OSTN: variants seen among roughly 807,000 people sequenced by gnomAD.
OSTN encodes osteocrin.
In OSTN, 9 loss-of-function variants were observed where a neutral mutation model predicts 12.0. The ratio of observed to expected loss-of-function variants is 0.75; its 90% CI spans 0.45 to 1.30. The LOEUF (loss-of-function observed/expected upper bound fraction) is 1.30, where lower values mean the gene tolerates loss of function less well. OSTN is among the 50% of genes most tolerant of loss of function. The pLI is 0.00. For synonymous variants in OSTN, 59 were observed against 56.9 expected, an observed-to-expected ratio of 1.04 and a Z score of -0.16; for missense variants, 148 against 152.3, an observed-to-expected ratio of 0.97 and a Z score of 0.15.
Position 191,263,086 on chromosome 3 carries a change from C to T in OSTN, c.*233C>T, listed in dbSNP as rs1174962413. On this transcript the variant is annotated 3_prime_UTR_variant, in exon 5 of 5. Coordinates refer to ENST00000682035, the MANE Select transcript of OSTN (RefSeq NM_198184.2). ...TTTAAAATTATATATTTTAATTATT[C>T]AAGAATGGTTAACTTCCCCTTAAAC... 3 of 476,722 alleles carry T rather than the reference C, an allele frequency of 6.3e-6. No homozygotes were observed. Among genetic ancestry groups the T allele is most frequent in the Non-Finnish European group, 1.1e-5 (3 of 269,168 alleles). The allele number at this position is 476,722 out of a possible 1,614,324, so 29.5% of individuals were successfully genotyped here.
intron 3 of OSTN, among the ~76,000 whole-genome samples, chr3:191,224,632 A>T (rs917050458): frequency 1.3e-5 from 2 of 152,258 alleles, no homozygotes; most frequent in Admixed American, 6.5e-5. Context: ...CAAAGAACAG[A>T]TATATTACAA....
intron 4 of OSTN, among the ~76,000 whole-genome samples, chr3:191,252,645 C>T (rs557032914): frequency 3.1e-4 from 47 of 152,248 alleles, no homozygotes; most frequent in African/African-American, 1.1e-3. Flanking sequence ...CCTGTTCGAC[C>T]GTTTTGTTTC....
intron 4 of OSTN, among the ~76,000 whole-genome samples, chr3:191,259,447 C>T (rs575726592): frequency 4.0e-5 from 6 of 149,608 alleles, no homozygotes; most frequent in Admixed American, 2.0e-4. Flanking sequence ...ATGATCCACC[C>T]GCCTTGGCCT....
chr3:191,217,465 G>A (rs1305788083), intron 2 of OSTN, among the ~76,000 whole-genome samples: 1 of 152,164 alleles, frequency 6.6e-6, no homozygotes, highest in East Asian at 1.9e-4. Context: ...AAGTGGGAAG[G>A]GAAGAGATTC....
chr3:191,257,019 C>T (rs905954571), intron 4 of OSTN, among the ~76,000 whole-genome samples: 1 of 151,656 alleles, frequency 6.6e-6, no homozygotes, highest in African/African-American at 2.4e-5. Flanking sequence ...CCCATCTGTA[C>T]AAAAAAGTTT....
chr3:191,244,706 T>C (rs2108548869), intron 3 of OSTN, among the ~76,000 whole-genome samples: 1 of 149,876 alleles, frequency 6.7e-6, no homozygotes, highest in South Asian at 2.1e-4. Flanking sequence ...GTATAGAAAG[T>C]ATTTAACCAG....
intron 1 of OSTN, among the ~76,000 whole-genome samples, chr3:191,211,205 C>A (rs1232254727): frequency 6.6e-6 from 1 of 152,074 alleles, no homozygotes; most frequent in Non-Finnish European, 1.5e-5. Context: ...TTGCTTTGGG[C>A]ATTTACAATT....
At chr3:191,240,609 C>A (rs929287464) in intron 3 of OSTN, among the ~76,000 whole-genome samples, 1 of 152,174 alleles carries the variant, frequency 6.6e-6, no homozygotes, top group Non-Finnish European at 1.5e-5. Context: ...AAGCTTGACT[C>A]ATTTTTTTCC....
Position 191,265,288 on chromosome 3 carries a change from A to G in OSTN, c.*2435A>G, listed in dbSNP as rs1715897874. ...TCTCTTTGCTTCTGTATGAACCTTTATAGAGCAAATGAATATATGTATATG... is the reference window on the plus strand; with the variant it reads ...TCTCTTTGCTTCTGTATGAACCTTTGTAGAGCAAATGAATATATGTATATG... On this transcript the variant is annotated 3_prime_UTR_variant, in exon 5 of 5. Coordinates refer to ENST00000682035, the MANE Select transcript of OSTN (RefSeq NM_198184.2). 6.6e-6 allele frequency: 1 copy of G among 152,150 alleles called. No homozygotes were observed. The allele number at this position is 152,150 out of a possible 1,614,324, so 9.4% of individuals were successfully genotyped here. A position where few individuals can be genotyped will look rare whatever the true frequency, so the allele number is the denominator to read the frequency against.
intron 2 of OSTN, 76 bp downstream of exon 2, chr3:191,212,710 A>C: frequency 2.6e-6 from 1 of 391,482 alleles, no homozygotes; most frequent in Non-Finnish European, 4.1e-6. Context: ...TATATAAAAG[A>C]ATATATATTA....
At chr3:191,213,976 A>T (rs1714533553) in intron 2 of OSTN, among the ~76,000 whole-genome samples, 1 of 152,128 alleles carries the variant, frequency 6.6e-6, no homozygotes, top group South Asian at 2.1e-4. Context: ...TAAGGAAGTG[A>T]CAGAAGCTAA....
At chr3:191,254,910 A>G (rs1715636593) in intron 4 of OSTN, among the ~76,000 whole-genome samples, 1 of 152,162 alleles carries the variant, frequency 6.6e-6, no homozygotes, top group South Asian at 2.1e-4. Flanking sequence ...GCTTGTACAC[A>G]CCTGTATGAA....
At chr3:191,212,004 A>G (rs1239166694) in intron 1 of OSTN, among the ~76,000 whole-genome samples, 2 of 152,234 alleles carry the variant, frequency 1.3e-5, no homozygotes, top group African/African-American at 4.8e-5. Context: ...ATAGTTTTTT[A>G]AAAACAATTT....
chr3:191,230,518 C>A (rs940635923), intron 3 of OSTN, among the ~76,000 whole-genome samples: 3 of 131,220 alleles, frequency 2.3e-5, no homozygotes, highest in Non-Finnish European at 4.6e-5. Flanking sequence ...GAGCTGAGAT[C>A]GGGCCACTGC....
At chr3:191,210,343 T>C (rs945709138) in intron 1 of OSTN, among the ~76,000 whole-genome samples, 1 of 152,174 alleles carries the variant, frequency 6.6e-6, no homozygotes, top group Admixed American at 6.5e-5. Flanking sequence ...TCTGCCTCTG[T>C]GCAAACACAT....
intron 4 of OSTN, among the ~76,000 whole-genome samples, chr3:191,262,511 CCTT>C (rs775204452): frequency 7.2e-5 from 11 of 152,038 alleles, no homozygotes; most frequent in African/African-American, 1.9e-4. Flanking sequence ...TTTTCTTTGT[CCTT>C]CTTTTGTTTG....
chr3:191,240,405 CCTT>C (rs1338310930), intron 3 of OSTN, among the ~76,000 whole-genome samples: 1 of 152,142 alleles, frequency 6.6e-6, no homozygotes, highest in Non-Finnish European at 1.5e-5. Context: ...TCTACATGCT[CCTT>C]AAGTTTTTCC....
chr3:191,221,409 G>A (rs1714760156), intron 3 of OSTN, among the ~76,000 whole-genome samples: 2 of 152,186 alleles, frequency 1.3e-5, no homozygotes, highest in Admixed American at 1.3e-4. Flanking sequence ...ATATGGGAAA[G>A]TTTGGAACTT....
intron 1 of OSTN, among the ~76,000 whole-genome samples, chr3:191,209,079 A>C (rs939465840): frequency 1.3e-5 from 2 of 152,336 alleles, no homozygotes; most frequent in Non-Finnish European, 2.9e-5. Context: ...GAATCGCTTA[A>C]ACCTGGGAGG....
Sources: gnomAD v4.1 joint callset for allele counts (sites outside exome capture counted in the v4.1 genomes callset) on GRCh38, gnomAD v4.1.1 for gene constraint, MANE v1.5 for transcripts, NCBI Gene and HGNC (gene_info 2026-07-23, HGNC 2026-07-21) for gene names.